MTUS2: variants seen among roughly 807,000 people sequenced by gnomAD.
MTUS2 encodes the protein microtubule-associated tumor suppressor candidate 2.
MTUS2 carries 40 observed loss-of-function variants against 114.1 expected under a neutral mutation model. The observed-to-expected ratio is 0.35, with a 90% CI of 0.27 to 0.46. The LOEUF is 0.46. MTUS2 is among the 20% of genes least tolerant of loss of function. MTUS2 has a pLI of 1.00. For missense variants in MTUS2, 1,679 were observed against 1,705.4 expected (o/e 0.98, Z 0.27); for synonymous variants, 688 against 672.0 (o/e 1.02, Z -0.37).
chr13:29,254,442 G>GGACC (rs1395078877), intron 5 of MTUS2, among the ~76,000 whole-genome samples: 3 of 152,242 alleles, frequency 2.0e-5, no homozygotes, highest in Non-Finnish European at 4.4e-5. Flanking sequence ...TGTCAATCAA[G>GGACC]TTGACTTGAT....
intron 2 of MTUS2, among the ~76,000 whole-genome samples, chr13:28,867,654 A>T (rs1593257512): frequency 6.6e-6 from 1 of 152,214 alleles, no homozygotes; most frequent in African/African-American, 2.4e-5. Context: ...AATAATAATA[A>T]GAATATTGGA....
intron 6 of MTUS2, among the ~76,000 whole-genome samples, chr13:29,319,109 A>G (rs979697762): frequency 2.6e-5 from 4 of 152,194 alleles, no homozygotes; most frequent in Non-Finnish European, 5.9e-5. Context: ...CTTCTTGACC[A>G]ACATACGGCC....
intron 4 of MTUS2, among the ~76,000 whole-genome samples, chr13:29,073,961 T>G (rs1889064002): frequency 2.6e-5 from 4 of 152,190 alleles, no homozygotes. Context: ...CAGCAAGACC[T>G]GCGAATTCTG....
At chr13:29,471,510 G>A (rs918919576) in intron 9 of MTUS2, among the ~76,000 whole-genome samples, 11 of 152,150 alleles carry the variant, frequency 7.2e-5, no homozygotes, top group Non-Finnish European at 4.4e-5. Context: ...CTGCCTATCT[G>A]AACACAGATA....
intron 14 of MTUS2, among the ~76,000 whole-genome samples, chr13:29,498,896 C>T (rs1479979880): frequency 1.3e-5 from 2 of 152,202 alleles, no homozygotes; most frequent in South Asian, 2.1e-4. Context: ...CCCGAGCCTG[C>T]GCCTAACTCC....
At chr13:29,416,974 TA>T (rs1566188918) in intron 8 of MTUS2, among the ~76,000 whole-genome samples, 5 of 152,200 alleles carry the variant, frequency 3.3e-5, no homozygotes, top group African/African-American at 4.8e-5. Flanking sequence ...AGTTTTCTTA[TA>T]TTATAGTTTT....
intron 6 of MTUS2, among the ~76,000 whole-genome samples, chr13:29,320,741 T>G (rs922310254): frequency 6.6e-5 from 10 of 152,108 alleles, no homozygotes; most frequent in African/African-American, 2.4e-4. Flanking sequence ...GAGGGTGAGT[T>G]AGGTAAAGAT....
At chr13:29,469,162 G>A (rs536458988) in intron 9 of MTUS2, among the ~76,000 whole-genome samples, 2 of 152,250 alleles carry the variant, frequency 1.3e-5, no homozygotes, top group South Asian at 2.1e-4. Flanking sequence ...TGGTGTGGAC[G>A]GAGCCTGGGC....
chr13:28,828,252 G>C (rs956477620), intron 1 of MTUS2, among the ~76,000 whole-genome samples: 7 of 152,168 alleles, frequency 4.6e-5, no homozygotes, highest in African/African-American at 1.7e-4. Flanking sequence ...CAGGCAGCCA[G>C]ACTTTAAGGT....
At chr13:29,348,669 G>A in intron 7 of MTUS2, among the ~76,000 whole-genome samples, 1 of 152,192 alleles carries the variant, frequency 6.6e-6, no homozygotes, top group African/African-American at 2.4e-5. Context: ...ATCTCAGACT[G>A]TAATTGCAGA....
intron 5 of MTUS2, among the ~76,000 whole-genome samples, chr13:29,273,733 C>T (rs1195568060): frequency 6.6e-6 from 1 of 152,180 alleles, no homozygotes; most frequent in Non-Finnish European, 1.5e-5. Flanking sequence ...GAAAGCCACT[C>T]ATCAACTTTC....
intron 4 of MTUS2, among the ~76,000 whole-genome samples, chr13:29,048,667 A>C (rs987582714): frequency 4.6e-5 from 7 of 152,102 alleles, no homozygotes; most frequent in Non-Finnish European, 1.0e-4. Flanking sequence ...ACAAGGTCTT[A>C]CTGTATTGCC....
chr13:28,893,534 A>G (rs1272380002), intron 2 of MTUS2, among the ~76,000 whole-genome samples: 3 of 152,146 alleles, frequency 2.0e-5, no homozygotes, highest in African/African-American at 7.2e-5. Flanking sequence ...AGGCTATATT[A>G]TTGGTTCGTT....
chr13:29,504,124 A>G lies in MTUS2; in HGVS notation c.*918A>G. ...AGAGCATGACCTTTGAGTAAGAGTGAGGATGACCTTGCAGATGACTGTGCC... is the reference window on the plus strand; with the variant it reads ...AGAGCATGACCTTTGAGTAAGAGTGGGGATGACCTTGCAGATGACTGTGCC... On this transcript the variant is annotated 3_prime_UTR_variant, in exon 16 of 16. Transcript: ENST00000612955. 4.3e-6 allele frequency: 1 copy of G among 232,124 alleles called. No individual in the cohort carries two copies. Among genetic ancestry groups the G allele is most frequent in the East Asian group, 6.1e-5 (1 of 16,432 alleles). The allele number at this position is 232,124 out of a possible 1,614,324, so 14.4% of individuals were successfully genotyped here. A position where few individuals can be genotyped will look rare whatever the true frequency, so the allele number is the denominator to read the frequency against.
chr13:29,363,558 A>G (rs1295112504), intron 8 of MTUS2, among the ~76,000 whole-genome samples: 1 of 152,228 alleles, frequency 6.6e-6, no homozygotes, highest in African/African-American at 2.4e-5. Context: ...CACAAAAAAA[A>G]TTTAATATAG....
chr13:29,491,932 T>C (rs545308948), intron 11 of MTUS2, among the ~76,000 whole-genome samples: 2 of 142,872 alleles, frequency 1.4e-5, no homozygotes, highest in Non-Finnish European at 3.0e-5. Flanking sequence ...GTGTGTGTGG[T>C]AGGTGTGTGT....
chr13:29,389,538 TGTGTATATGTATACAC>T (rs1439371480), intron 8 of MTUS2, among the ~76,000 whole-genome samples: 1 of 116,040 alleles, frequency 8.6e-6, no homozygotes, highest in African/African-American at 3.9e-5. Context: ...TGTATACACG[TGTGTATATGTATACAC>T]GTGTGTATAT....
intron 4 of MTUS2, among the ~76,000 whole-genome samples, chr13:29,049,379 T>G (rs1345059566): frequency 6.6e-6 from 1 of 152,122 alleles, no homozygotes; most frequent in Non-Finnish European, 1.5e-5. Context: ...GAGGCTGAAG[T>G]TTACCCATCT....
chr13:29,367,513 A>T (rs1870816906), intron 8 of MTUS2, among the ~76,000 whole-genome samples: 2 of 152,178 alleles, frequency 1.3e-5, no homozygotes, highest in Admixed American at 1.3e-4. Flanking sequence ...AGATTAACGC[A>T]GTTTGAGATG....
Sources: allele counts gnomAD v4.1 joint callset (sites outside exome capture counted in the v4.1 genomes callset), GRCh38; gene constraint gnomAD v4.1.1; transcripts MANE v1.5; gene names NCBI Gene and HGNC (gene_info 2026-07-23, HGNC 2026-07-21).